Variants in SSH1 observed in about 807,000 individuals in gnomAD.
SSH1 encodes the protein slingshot protein phosphatase 1.
SSH1 carries 43 observed loss-of-function variants against 79.7 expected under a neutral mutation model. The ratio of observed to expected loss-of-function variants is 0.54; its 90% CI spans 0.42 to 0.70. The LOEUF (loss-of-function observed/expected upper bound fraction) is 0.70, where lower values mean the gene tolerates loss of function less well. Among genes scored for constraint, SSH1 ranks in the 30% least tolerant of loss-of-function variants. The pLI is 0.00. For missense variants in SSH1, 1,206 were observed against 1,358.8 expected (o/e 0.89, Z 1.77); for synonymous variants, 599 against 538.3 (o/e 1.11, Z -1.56).
At chr12:108,837,741 G>A (rs1036644401) in intron 2 of SSH1, among the ~76,000 whole-genome samples, 1 of 151,750 alleles carries the variant, frequency 6.6e-6, no homozygotes, top group East Asian at 1.9e-4. Context: ...TTAATCATTT[G>A]TATGTGTTGG....
rs748808263 is a variant in SSH1 at position 108,789,072 on chromosome 12, G to C, written c.2066C>G (p.Ser689Cys). 3.7e-6 allele frequency: 6 copies of C among 1,612,904 alleles called. No homozygotes were observed. The highest frequency in any genetic ancestry group is 5.1e-6 in the Non-Finnish European group (6 of 1,179,154). Residue 689 changes from serine (S) to cysteine (C), a missense_variant, in exon 15 of 15, where the codon TCC becomes TGC. Ser to Cys is a moderately radical substitution (Grantham distance 112). Around this residue, in one of 5 missense-constraint regions of SSH1, gnomAD observed 709 missense variants for 730.6 expected, o/e 0.97. Coordinates refer to ENST00000326495, the MANE Select transcript of SSH1 (RefSeq NM_018984.4). ...CCTGCTGGCCAAGTGGGCCACAGGG[G>C]AGGACGTGATGTGGGGTAGGAAGGC... ...QPAFLPHITS[S>C]PVAHLASRSR...
At chr12:108,853,132 A>C in intron 1 of SSH1, 1 of 985,408 alleles carries the variant, frequency 1.0e-6, no homozygotes. Flanking sequence ...AACCCAGGCA[A>C]GACTTGCACA....
intron 2 of SSH1, among the ~76,000 whole-genome samples, chr12:108,844,608 C>T (rs1022561922): frequency 6.6e-6 from 1 of 152,236 alleles, no homozygotes; most frequent in Admixed American, 6.5e-5. Context: ...CTGCTAGGTG[C>T]ATGCACCCGA....
chr12:108,788,906 G>A lies in SSH1; in HGVS notation c.2232C>T (p.Ser744=), dbSNP rs200347482. 54 of 1,614,200 alleles carry A rather than the reference G, an allele frequency of 3.3e-5. No homozygotes were observed. In the Admixed American group the frequency reaches 5.0e-4, roughly 15 times the overall value. Residue 744 remains serine, a synonymous_variant, in exon 15 of 15, where the codon TCC becomes TCT. Transcript: ENST00000326495. ...TTGGCAGGACTTTTGGGGTCTCTCT[G>A]GAAGGTTCCAAAAGGCTGGCTGGTG... ...LEPPASLLEP[S]RETPKVLPKS...
At chr12:108,852,767 G>A in intron 1 of SSH1, 89 bp from the exon 2 acceptor site, 1 of 1,607,106 alleles carries the variant, frequency 6.2e-7, no homozygotes, top group South Asian at 1.1e-5. Context: ...CCCGGTACTG[G>A]AAAAAGATAA....
At chr12:108,836,198 C>T (rs1255513035) in intron 2 of SSH1, among the ~76,000 whole-genome samples, 3 of 151,754 alleles carry the variant, frequency 2.0e-5, no homozygotes, top group Non-Finnish European at 2.9e-5. Flanking sequence ...GGTGCTGCAT[C>T]AGAATTGAAG....
chr12:108,790,101 A>G (rs2036438957), intron 14 of SSH1, among the ~76,000 whole-genome samples: 1 of 150,336 alleles, frequency 6.7e-6, no homozygotes, highest in African/African-American at 2.4e-5. Flanking sequence ...TGTAGACCAC[A>G]GCCAGAGGGG....
rs559165534 is a variant in SSH1, at chr12:108,788,222, T to C, written c.2916A>G (p.Pro972=). Residue 972 remains proline, a synonymous_variant, in exon 15 of 15, where the codon CCA becomes CCG. Transcript: ENST00000326495. ...TGGCAAGAGAGTGTGAGCGCTTCAG[T>C]GGGGAAGAGACGGTGAGGCCCGCCA... ...LRLAGLTVSS[P]LKRSHSLAKL... The C allele has an allele frequency of 3.7e-6, 6 of 1,613,750 alleles. No homozygotes were observed. The highest frequency in any genetic ancestry group is 2.2e-5 in the South Asian group (2 of 91,060).
At chr12:108,852,518 C>G in intron 2 of SSH1, 120 bp downstream of exon 2, 1 of 1,268,454 alleles carries the variant, frequency 7.9e-7, no homozygotes, top group Non-Finnish European at 1.2e-6. Flanking sequence ...GCGTGACCCA[C>G]CGCACCCAGC....
At chr12:108,809,456 C>CA (rs200047288) in intron 7 of SSH1, among the ~76,000 whole-genome samples, 39,748 of 113,852 alleles carry the variant, frequency 0.35, 5,787 homozygotes, top group South Asian at 0.49. Flanking sequence ...GACCCTGTCT[C>CA]AAAAAAAAAA....
chr12:108,792,615 G>C lies in SSH1; in HGVS notation c.1564C>G (p.Pro522Ala). The C allele has an allele frequency of 6.2e-7, 1 of 1,612,492 alleles. No homozygotes were observed. Among genetic ancestry groups the C allele is most frequent in the Non-Finnish European group, 8.5e-7 (1 of 1,179,364 alleles). Residue 522 changes from proline to alanine, a missense_variant, in exon 14 of 15, where the codon CCT becomes GCT. Physicochemically the swap from Pro to Ala is conservative, Grantham distance 27 (BLOSUM62 -1). Coordinates refer to ENST00000326495, the MANE Select transcript of SSH1 (RefSeq NM_018984.4). ...ACCAAGCTGCCAGTTTCATCCTCAGGGGAAGGCAGAAGGGGGTCTGAGAGT... is the reference window on the plus strand; with the variant it reads ...ACCAAGCTGCCAGTTTCATCCTCAGCGGAAGGCAGAAGGGGGTCTGAGAGT... The part of the protein sequence containing the change: ...RRLSDPLLPS[P>A]EDETGSLVHL...
rs763994564 is a variant in SSH1 at position 108,788,450 on chromosome 12, CT to C, written c.2687del (p.Lys896ArgfsTer21). Reference sequence around the variant, plus strand: ...GGCGGTAGAAGAAAGGAGGGGGGCTCTTCAGTGAGCCTCCTTCCAATGAAGC... The same window carrying C: ...GGCGGTAGAAGAAAGGAGGGGGGCTCTCAGTGAGCCTCCTTCCAATGAAGC... ...APASLEGGSLKSPPPFFYRLD... is the reference protein window; with the variant it reads ...APASLEGGSLXSPPPFFYRLD... On this transcript the variant is annotated frameshift_variant, in exon 15 of 15. Transcript: ENST00000326495. LOFTEE classifies it high-confidence loss of function. The C allele has an allele frequency of 2.5e-5, 39 of 1,568,596 alleles. No individual in the cohort carries two copies. The African/African-American group carries it at 4.8e-4, about 19-fold the overall frequency.
In SSH1 at chr12:108,786,834, C is replaced by CG. The variant is rs35534034; in HGVS notation, c.*1153dup. The CG allele has an allele frequency of 6.6e-6, 1 of 152,200 alleles. No individual in the cohort carries two copies. The highest frequency in any genetic ancestry group is 2.1e-4 in the South Asian group (1 of 4,826). 9.4% of individuals were successfully genotyped at this position (152,200 alleles called of 1,614,324 possible). ...CACCTTTGATTCAAGCCTGGCGCAG[C>CG]GGGACTGGCTGAGCTCACCTGAGTC... is the stretch of plus-strand genomic sequence containing the variant. On this transcript the variant is annotated 3_prime_UTR_variant, in exon 15 of 15. Coordinates refer to ENST00000326495, the MANE Select transcript of SSH1 (RefSeq NM_018984.4).
intron 5 of SSH1, chr12:108,811,717 C>T (rs1333465077): frequency 1.2e-5 from 4 of 331,930 alleles, no homozygotes; most frequent in South Asian, 2.7e-5. Flanking sequence ...ACACCGTTCC[C>T]GGAGCTCACT....
At chr12:108,826,183 G>A (rs1243325686) in intron 2 of SSH1, 1 of 452,376 alleles carries the variant, frequency 2.2e-6, no homozygotes, top group Non-Finnish European at 4.4e-6. Flanking sequence ...AATTCCCCTT[G>A]GTTTCCCTTA....
chr12:108,826,621 G>A (rs890659466), intron 2 of SSH1, among the ~76,000 whole-genome samples: 3 of 152,150 alleles, frequency 2.0e-5, no homozygotes, highest in Admixed American at 6.5e-5. Context: ...TCTGTGACCC[G>A]GCTTCCTGGC....
chr12:108,820,373 G>A (rs1037226133), intron 3 of SSH1, among the ~76,000 whole-genome samples: 3 of 152,056 alleles, frequency 2.0e-5, no homozygotes, highest in Non-Finnish European at 2.9e-5. Context: ...TCCTCCACCC[G>A]TCATGTCACC....
intron 1 of SSH1, among the ~76,000 whole-genome samples, chr12:108,856,624 C>G (rs578243849): frequency 5.9e-5 from 9 of 152,378 alleles, no homozygotes; most frequent in Admixed American, 1.3e-4. Context: ...CACCGTCACA[C>G]AGTGACACGG....
In SSH1 at chr12:108,852,696, GAATATCACACCACAGGCACCACTGTCAAC is replaced by G. The variant is rs2039067721; in HGVS notation, c.70-47_70-19del. 1 of 1,613,926 alleles carries G rather than the reference GAATATCACACCACAGGCACCACTGTCAAC, an allele frequency of 6.2e-7. No homozygotes were observed. The highest frequency in any genetic ancestry group is 8.5e-7 in the Non-Finnish European group (1 of 1,180,022). ...GCCTCCAACTACAGAGAAAGAAAGA[GAATATCACACCACAGGCACCACTGTCAAC>G]ACGCCTCGGGCGGCAGTCTCACATT... On this transcript the variant is annotated intron_variant, in intron 1 of 14. Transcript: ENST00000326495.
Sources: allele counts gnomAD v4.1 joint callset (sites outside exome capture counted in the v4.1 genomes callset), GRCh38; gene constraint gnomAD v4.1.1; regional missense constraint gnomAD v4.1.1; transcripts MANE v1.5; gene names NCBI Gene and HGNC (gene_info 2026-07-23, HGNC 2026-07-21).